RARB: variants seen among roughly 807,000 people sequenced by gnomAD.
The protein encoded by RARB is HBV-activated protein.
A neutral mutation model predicts 51.9 loss-of-function variants in RARB; 17 were observed. That is an observed-to-expected ratio of 0.33 (90% CI 0.22 to 0.49). The LOEUF (loss-of-function observed/expected upper bound fraction) is 0.49, where lower values mean the gene tolerates loss of function less well. RARB is among the 20% of genes least tolerant of loss of function. The pLI, the probability that RARB is intolerant of heterozygous loss-of-function variation, is 0.99. For missense variants in RARB, 369 were observed against 550.8 expected, an observed-to-expected ratio of 0.67 and a Z score of 3.30; for synonymous variants, 215 against 195.4, an observed-to-expected ratio of 1.10 and a Z score of -0.84.
intron 5 of RARB, among the ~76,000 whole-genome samples, chr3:25,190,095 G>A (rs1448273006): frequency 6.6e-6 from 1 of 152,048 alleles, no homozygotes; most frequent in Non-Finnish European, 1.5e-5. Context: ...ATGCATAGGG[G>A]TTGGGGGAAG....
chr3:25,379,417 T>G (rs1385569439), intron 5 of RARB, among the ~76,000 whole-genome samples: 1 of 152,192 alleles, frequency 6.6e-6, no homozygotes, highest in African/African-American at 2.4e-5. Flanking sequence ...CCTAGTGCCA[T>G]GGGTATGTCA....
intron 5 of RARB, among the ~76,000 whole-genome samples, chr3:25,260,662 C>T (rs935499967): frequency 9.2e-5 from 14 of 152,102 alleles, no homozygotes; most frequent in Admixed American, 3.3e-4. Context: ...CTCTTTTCCT[C>T]TAGTGCTCAG....
chr3:25,330,427 G>A (rs1211883195), intron 5 of RARB, among the ~76,000 whole-genome samples: 1 of 152,242 alleles, frequency 6.6e-6, no homozygotes, highest in Non-Finnish European at 1.5e-5. Flanking sequence ...CTTCATAAGT[G>A]AAGGAGAAAT....
At chr3:25,405,965 T>TGTTGA (rs3074645) in intron 5 of RARB, among the ~76,000 whole-genome samples, 127,244 of 151,930 alleles carry the variant, frequency 0.84, 53,526 homozygotes, top group East Asian at 1. Context: ...ACATGTTTGG[T>TGTTGA]CATTAGTAGC....
At chr3:25,288,823 G>C (rs1703715722) in intron 5 of RARB, among the ~76,000 whole-genome samples, 1 of 151,842 alleles carries the variant, frequency 6.6e-6, no homozygotes, top group South Asian at 2.1e-4. Flanking sequence ...TGTCCCTGTA[G>C]AAATTTGAGA....
At chr3:25,203,573 T>G (rs1464601793) in intron 5 of RARB, among the ~76,000 whole-genome samples, 5 of 152,224 alleles carry the variant, frequency 3.3e-5, no homozygotes, top group Non-Finnish European at 5.9e-5. Context: ...CTGGTACTGG[T>G]TGTTCCTTTC....
At chr3:25,238,902 C>T (rs969870680) in intron 5 of RARB, among the ~76,000 whole-genome samples, 5 of 152,084 alleles carry the variant, frequency 3.3e-5, no homozygotes, top group African/African-American at 1.2e-4. Context: ...TCTCTTGAAC[C>T]CAGGAGGCGG....
At chr3:24,945,400 G>A (rs4858667) in intron 2 of RARB, among the ~76,000 whole-genome samples, 1 of 152,002 alleles carries the variant, frequency 6.6e-6, no homozygotes, top group Non-Finnish European at 1.5e-5. Context: ...TGTGTGAGAA[G>A]GCACACATGC....
At chr3:25,092,036 TTGAA>T (rs1363712056) in intron 3 of RARB, among the ~76,000 whole-genome samples, 1 of 152,270 alleles carries the variant, frequency 6.6e-6, no homozygotes. Flanking sequence ...ATTTGGATAA[TTGAA>T]TGGCTATGCT....
intron 5 of RARB, among the ~76,000 whole-genome samples, chr3:25,310,350 G>C (rs531600719): frequency 1.3e-5 from 2 of 152,312 alleles, no homozygotes; most frequent in Non-Finnish European, 2.9e-5. Flanking sequence ...CTGTATGACT[G>C]ACAGTCAGAT....
intron 5 of RARB, among the ~76,000 whole-genome samples, chr3:25,297,188 A>G (rs1703934063): frequency 6.6e-6 from 1 of 152,182 alleles, no homozygotes; most frequent in African/African-American, 2.4e-5. Context: ...GGAGAGGATT[A>G]ATTGCTTTCA....
intron 3 of RARB, among the ~76,000 whole-genome samples, chr3:25,067,143 A>G (rs1202480286): frequency 2.0e-5 from 3 of 152,148 alleles, no homozygotes; most frequent in Non-Finnish European, 2.9e-5. Flanking sequence ...ACGGGTGAGC[A>G]CCTGGTTGTA....
chr3:25,387,598 A>G (rs1559381094), intron 5 of RARB, among the ~76,000 whole-genome samples: 1 of 152,068 alleles, frequency 6.6e-6, no homozygotes, highest in Non-Finnish European at 1.5e-5. Flanking sequence ...CTCCCTCCCC[A>G]CGAGTCTTCT....
chr3:24,858,240 T>C (rs530768849), intron 1 of RARB, among the ~76,000 whole-genome samples: 55 of 152,302 alleles, frequency 3.6e-4, no homozygotes, highest in African/African-American at 1.3e-3. Flanking sequence ...TTTTTTTTCT[T>C]CTTATAAATC....
intron 3 of RARB, among the ~76,000 whole-genome samples, chr3:25,542,171 A>G (rs780349085): frequency 6.6e-6 from 1 of 152,222 alleles, no homozygotes; most frequent in East Asian, 1.9e-4. Flanking sequence ...TTCTGAGGCT[A>G]TATTTGTGAC....
At chr3:25,561,944 A>T (rs1700286334) in intron 3 of RARB, among the ~76,000 whole-genome samples, 1 of 152,204 alleles carries the variant, frequency 6.6e-6, no homozygotes, top group Non-Finnish European at 1.5e-5. Flanking sequence ...TCTGTTTTTG[A>T]AAGGCAGTCT....
chr3:25,327,963 C>T (rs1704775167), intron 5 of RARB, among the ~76,000 whole-genome samples: 1 of 152,120 alleles, frequency 6.6e-6, no homozygotes, highest in African/African-American at 2.4e-5. Flanking sequence ...AAACAAAGTA[C>T]ACTAGTTGGC....
intron 5 of RARB, among the ~76,000 whole-genome samples, chr3:25,405,622 A>C (rs565810617): frequency 6.6e-6 from 1 of 152,364 alleles, no homozygotes; most frequent in South Asian, 2.1e-4. Flanking sequence ...AAATATGTTC[A>C]CCACTAACCA....
intron 5 of RARB, among the ~76,000 whole-genome samples, chr3:25,581,206 T>C (rs1304433139): frequency 1.3e-5 from 2 of 152,188 alleles, no homozygotes; most frequent in Admixed American, 1.3e-4. Flanking sequence ...TGCTTAATTA[T>C]AGTAACTGTA....
Sources: gnomAD v4.1 joint callset for allele counts (sites outside exome capture counted in the v4.1 genomes callset) on GRCh38, gnomAD v4.1.1 for gene constraint, MANE v1.5 for transcripts, NCBI Gene and HGNC (gene_info 2026-07-23, HGNC 2026-07-21) for gene names.